The following RBP3 variants were observed in gnomAD, a reference collection of about 807,000 sequenced individuals.
RBP3 encodes the protein retinol binding protein 3, also known as retinol-binding protein 3.
RBP3 carries 50 observed loss-of-function variants against 64.8 expected under a neutral mutation model. The observed-to-expected ratio is 0.77, with a 90% CI of 0.61 to 0.98. The LOEUF is 0.98. RBP3 is among the 50% of genes least tolerant of loss of function. The pLI, the probability that RBP3 is intolerant of heterozygous loss-of-function variation, is 0.00. For synonymous variants in RBP3, 828 were observed against 730.2 expected, an observed-to-expected ratio of 1.13 and a Z score of -2.16; for missense variants, 1,712 against 1,660.5, an observed-to-expected ratio of 1.03 and a Z score of -0.54.
Position 47,348,636 on chromosome 10 carries a change from C to A in RBP3, c.152C>A (p.Ala51Asp), listed in dbSNP as rs141206428. Residue 51 changes from alanine (A) to aspartate (D), a missense_variant, in exon 1 of 4, where the codon GCC (alanine) becomes GAC (aspartate). Ala to Asp is a moderately radical substitution (Grantham distance 126). Coordinates refer to ENST00000584701, the MANE Select transcript of RBP3 (RefSeq NM_002900.3). ...GAGAACCTGCTGGGCATGCAGGAAG[C>A]CATCCAGCAGGCCATCAAGAGCCAT... ...FPENLLGMQE[A>D]IQQAIKSHEI... The A allele has an allele frequency of 6.2e-7, 1 of 1,613,394 alleles. No individual in the cohort carries two copies. The highest frequency in any genetic ancestry group is 1.3e-5 in the African/African-American group (1 of 74,934).
In RBP3 at chr10:47,351,354, T is replaced by C; in HGVS notation, c.2870T>C (p.Leu957Pro). ...LVADNYASAE[L>P]GAKMATKLSG... ...GCTGATAACTATGCCTCTGCCGAGC[T>C]GGGGGCCAAGATGGCCACCAAACTG... The change falls in exon 1 of 4, where the codon CTG (leucine) becomes CCG (proline). Residue 957 changes from leucine to proline, a missense_variant. Transcript: ENST00000584701. 1 of 1,613,508 alleles carries C rather than the reference T, an allele frequency of 6.2e-7. No homozygotes were observed.
Position 47,350,238 on chromosome 10 carries a change from C to T in RBP3, c.1754C>T (p.Pro585Leu). The T allele has an allele frequency of 6.2e-7, 1 of 1,607,860 alleles. No individual in the cohort carries two copies. Among genetic ancestry groups the T allele is most frequent in the Non-Finnish European group, 8.5e-7 (1 of 1,179,914 alleles). ...CGCACGGTGCCGCTGCTGGACACAC[C>T]CGAAGGCAGCCTCGCGCTCACCGTG... ...HTRTVPLLDT[P>L]EGSLALTVPV... Residue 585 changes from proline (P) to leucine (L), a missense_variant, in exon 1 of 4, where the codon CCC (proline) becomes CTC (leucine). Physicochemically the swap from Pro to Leu is moderately conservative, Grantham distance 98. Transcript: ENST00000584701.
rs782700564 is a variant in RBP3 at position 47,349,239 on chromosome 10, C to T, written c.755C>T (p.Ala252Val). 12 of 1,613,356 alleles carry T rather than the reference C, an allele frequency of 7.4e-6. No homozygotes were observed. The highest frequency in any genetic ancestry group is 1.0e-5 in the Non-Finnish European group (12 of 1,180,016). ...CACATCCTTAAGCAGATGCGCAGGG[C>T]CATCGTGGTGGGCGAGCGGACTGGG... ...IAHILKQMRR[A>V]IVVGERTGGG... Residue 252 changes from alanine (A) to valine (V), a missense_variant, in exon 1 of 4, where the codon GCC (alanine) becomes GTC (valine). Transcript: ENST00000584701.
In RBP3 at chr10:47,351,122, G is replaced by A; in HGVS notation, c.2638G>A (p.Gly880Ser). ...CACGGCCGGAGGCGCACTCTCTGTG[G>A]GCATCTACCAGGTGGGCAGCAGCCC... ...EPTAGGALSVGIYQVGSSPLY... is the reference protein window; with the variant it reads ...EPTAGGALSVSIYQVGSSPLY... The change falls in exon 1 of 4, where the codon GGC (glycine) becomes AGC (serine). Residue 880 changes from glycine (G) to serine (S), a missense_variant. By Grantham distance (56) the Gly-to-Ser change is moderately conservative. Transcript: ENST00000584701. 2 of 1,612,940 alleles carry A rather than the reference G, an allele frequency of 1.2e-6. No homozygotes were observed. The highest frequency in any genetic ancestry group is 1.7e-6 in the Non-Finnish European group (2 of 1,180,036).
chr10:47,352,197 G>A (rs1378867231), intron 1 of RBP3, among the ~76,000 whole-genome samples: 2 of 152,238 alleles, frequency 1.3e-5, no homozygotes, highest in African/African-American at 4.8e-5. Context: ...CAGGGAGAGT[G>A]GGTTGGGAAG....
In RBP3 at chr10:47,350,840, C is replaced by A. The variant is rs782153041; in HGVS notation, c.2356C>A (p.Pro786Thr). The A allele has an allele frequency of 3.7e-6, 6 of 1,612,968 alleles. No homozygotes were observed. The African/African-American group carries it at 5.3e-5, about 14-fold the overall frequency. Residue 786 changes from proline (P) to threonine (T), a missense_variant, in exon 1 of 4, where the codon CCT becomes ACT. Physicochemically the swap from Pro to Thr is conservative, Grantham distance 38. Coordinates refer to ENST00000584701, the MANE Select transcript of RBP3 (RefSeq NM_002900.3). ...GCTGGTGATCGACCTGCGCTACAAC[C>A]CTGGCAGCTACTCCACGGCCATCCC... is the stretch of plus-strand genomic sequence containing the variant. ...AALVIDLRYN[P>T]GSYSTAIPLL...
In RBP3 at chr10:47,352,596, G is replaced by A. The variant is rs868923816; in HGVS notation, c.3055-729G>A. ...AGGGCAGGGCAGGGCCTGGAGGGCA[G>A]TGTCTCTGTCAATGAAGTCTCCTTG... is the stretch of plus-strand genomic sequence containing the variant. On this transcript the variant is annotated intron_variant, in intron 1 of 3. Transcript: ENST00000584701. Among the ~76,000 whole-genome samples, 16 of 152,392 alleles carry A rather than the reference G, an allele frequency of 1.0e-4. No individual in the cohort carries two copies. The Middle Eastern group carries it at 0.014, about 130-fold the overall frequency.
chr10:47,350,884 C>T lies in RBP3; in HGVS notation c.2400C>T (p.Phe800=). 6.2e-7 allele frequency: 1 copy of T among 1,612,078 alleles called. No individual in the cohort carries two copies. Among genetic ancestry groups the T allele is most frequent in the Non-Finnish European group, 8.5e-7 (1 of 1,179,804 alleles). Residue 800 remains phenylalanine, a synonymous_variant, in exon 1 of 4, where the codon TTC becomes TTT. Transcript: ENST00000584701. The part of the protein sequence containing the change: ...STAIPLLCSY[F]FEAEPRQHLY... Reference sequence around the variant, plus strand: ...CCATCCCGCTGCTCTGCTCCTACTTCTTTGAGGCAGAGCCCCGCCAGCACC... The same window carrying T: ...CCATCCCGCTGCTCTGCTCCTACTTTTTTGAGGCAGAGCCCCGCCAGCACC...
chr10:47,351,243 T>C lies in RBP3; in HGVS notation c.2759T>C (p.Met920Thr), dbSNP rs1836968277. The C allele has an allele frequency of 6.2e-7, 1 of 1,613,360 alleles. No individual in the cohort carries two copies. The highest frequency in any genetic ancestry group is 8.5e-7 in the Non-Finnish European group (1 of 1,180,030). ...AGVEPDITVP[M>T]SEALSIAQDI... is the part of the protein sequence containing the mutation. ...GTGGAGCCCGACATCACTGTGCCCA[T>C]GAGCGAAGCCCTTTCCATAGCCCAG... The change falls in exon 1 of 4, where the codon ATG (methionine) becomes ACG (threonine). Residue 920 changes from methionine to threonine, a missense_variant. By Grantham distance (81) the Met-to-Thr change is moderately conservative. Transcript: ENST00000584701.
At chr10:47,355,548 G>C in intron 3 of RBP3, 30 bp downstream of exon 3, 1 of 1,614,028 alleles carries the variant, frequency 6.2e-7, no homozygotes, top group Non-Finnish European at 8.5e-7. Flanking sequence ...CCTTTCTGCT[G>C]TCATTCTAGA....
chr10:47,348,763 C>T lies in RBP3; in HGVS notation c.279C>T (p.Pro93=). The T allele has an allele frequency of 6.2e-7, 1 of 1,613,604 alleles. No homozygotes were observed. The highest frequency in any genetic ancestry group is 1.3e-5 in the African/African-American group (1 of 75,044). The change falls in exon 1 of 4, where the codon CCC becomes CCT. Residue 93 remains proline (P), a synonymous_variant. Coordinates refer to ENST00000584701, the MANE Select transcript of RBP3 (RefSeq NM_002900.3). ...CTCGCCTGGTCATCTCCTATGAGCCCAGCACCCCCGAGCCTCCCCCACAAG... is the reference window on the plus strand; with the variant it reads ...CTCGCCTGGTCATCTCCTATGAGCCTAGCACCCCCGAGCCTCCCCCACAAG... ...NDPRLVISYE[P]STPEPPPQVP...
In RBP3 at chr10:47,349,681, C is replaced by T. The variant is rs782711918; in HGVS notation, c.1197C>T (p.Pro399=). The part of the protein sequence containing the change: ...AIGPTETPSW[P]APDAAAEDSP... ...GGCCCACAGAAACTCCTTCTTGGCC[C>T]GCGCCCGACGCTGCAGCCGAAGACT... The change falls in exon 1 of 4, where the codon CCC becomes CCT. Residue 399 remains proline (P), a synonymous_variant. Coordinates refer to ENST00000584701, the MANE Select transcript of RBP3 (RefSeq NM_002900.3). The T allele has an allele frequency of 3.8e-5, 62 of 1,611,386 alleles. No homozygotes were observed. Among genetic ancestry groups the T allele is most frequent in the Non-Finnish European group, 5.1e-5 (60 of 1,180,024 alleles).
intron 1 of RBP3, among the ~76,000 whole-genome samples, chr10:47,352,066 G>T (rs182336491): frequency 6.6e-6 from 1 of 152,218 alleles, no homozygotes; most frequent in Non-Finnish European, 1.5e-5. Flanking sequence ...CTGCTGCATC[G>T]TCACAATTGG....
At chr10:47,353,242 A>T in intron 1 of RBP3, 83 bp from the exon 2 acceptor site, 2 of 1,277,620 alleles carry the variant, frequency 1.6e-6, no homozygotes, top group South Asian at 1.2e-5. Context: ...CCATGCCCTT[A>T]ATATTTCCCA....
In RBP3 at chr10:47,350,993, C is replaced by A; in HGVS notation, c.2509C>A (p.His837Asn). 1 of 1,611,426 alleles carries A rather than the reference C, an allele frequency of 6.2e-7. No individual in the cohort carries two copies. The highest frequency in any genetic ancestry group is 8.5e-7 in the Non-Finnish European group (1 of 1,179,936). The change falls in exon 1 of 4, where the codon CAC (histidine) becomes AAC (asparagine). Residue 837 changes from histidine (H) to asparagine (N), a missense_variant. By Grantham distance (68) the His-to-Asn change is moderately conservative. Coordinates refer to ENST00000584701, the MANE Select transcript of RBP3 (RefSeq NM_002900.3). ...PQVAGQRYGSHKDLYILMSHT... is the reference protein window; with the variant it reads ...PQVAGQRYGSNKDLYILMSHT... ...GGTCGCCGGCCAGCGCTACGGCTCA[C>A]ACAAGGACCTCTACATCCTGATGAG...
chr10:47,351,272 A>G lies in RBP3; in HGVS notation c.2788A>G (p.Ile930Val), dbSNP rs782772636. ...MSEALSIAQDIVALRAKVPTV... is the reference protein window; with the variant it reads ...MSEALSIAQDVVALRAKVPTV... ...CGAAGCCCTTTCCATAGCCCAGGAC[A>G]TAGTGGCTCTGCGTGCCAAGGTGCC... The change falls in exon 1 of 4, where the codon ATA becomes GTA. Residue 930 changes from isoleucine to valine, a missense_variant. Coordinates refer to ENST00000584701, the MANE Select transcript of RBP3 (RefSeq NM_002900.3). The G allele has an allele frequency of 2.1e-5, 34 of 1,613,344 alleles. 1 individual carries two copies. The South Asian group carries it at 2.2e-4, about 10-fold the overall frequency.
chr10:47,352,739 A>C (rs960607529), intron 1 of RBP3, among the ~76,000 whole-genome samples: 1 of 152,218 alleles, frequency 6.6e-6, no homozygotes, highest in Admixed American at 6.5e-5. Flanking sequence ...CCAAATCAAC[A>C]TCTCCTTCCT....
Position 47,349,904 on chromosome 10 carries a change from C to G in RBP3, c.1420C>G (p.Leu474Val). 6.2e-7 allele frequency: 1 copy of G among 1,613,096 alleles called. No individual in the cohort carries two copies. Among genetic ancestry groups the G allele is most frequent in the Non-Finnish European group, 8.5e-7 (1 of 1,179,922 alleles). Residue 474 changes from leucine to valine, a missense_variant, in exon 1 of 4, where the codon CTC (leucine) becomes GTC (valine). Transcript: ENST00000584701. ...GGAGCCGCTACAGGACACGGAGCAC[C>G]TCATCATGGACCTGCGCCACAACCC... is the stretch of plus-strand genomic sequence containing the variant. ...VWEPLQDTEH[L>V]IMDLRHNPGG...
In RBP3 at chr10:47,350,699, C is replaced by T; in HGVS notation, c.2215C>T (p.Leu739=). 1 of 1,613,194 alleles carries T rather than the reference C, an allele frequency of 6.2e-7. No individual in the cohort carries two copies. Among genetic ancestry groups the T allele is most frequent in the Non-Finnish European group, 8.5e-7 (1 of 1,180,046 alleles). ...TGAGGCCCTGTTCAAGACAGAGGTG[C>T]TGCCCGGCCAGCTGGGCTACCTGCG... is the stretch of plus-strand genomic sequence containing the variant. ...LIEALFKTEV[L]PGQLGYLRFD... The change falls in exon 1 of 4, where the codon CTG becomes TTG. Residue 739 remains leucine, a synonymous_variant. Coordinates refer to ENST00000584701, the MANE Select transcript of RBP3 (RefSeq NM_002900.3).
Sources: gnomAD v4.1 joint callset for allele counts (sites outside exome capture counted in the v4.1 genomes callset) on GRCh38, gnomAD v4.1.1 for gene constraint, MANE v1.5 for transcripts, NCBI Gene and HGNC (gene_info 2026-07-23, HGNC 2026-07-21) for gene names.